The following PDE4D variants were observed in gnomAD, a reference collection of about 807,000 sequenced individuals.
The protein encoded by PDE4D is 3',5'-cyclic-AMP phosphodiesterase 4D.
A neutral mutation model predicts 87.4 loss-of-function variants in PDE4D; 24 were observed. The ratio of observed to expected loss-of-function variants is 0.27; its 90% CI spans 0.20 to 0.39. The LOEUF (loss-of-function observed/expected upper bound fraction) is 0.39. Among genes scored for constraint, PDE4D ranks in the 10% least tolerant of loss-of-function variants. PDE4D has a pLI of 1.00. For synonymous variants in PDE4D, 384 were observed against 383.2 expected, an observed-to-expected ratio of 1.00 and a Z score of -0.02; for missense variants, 714 against 1,041.0, an observed-to-expected ratio of 0.69 and a Z score of 4.32.
At position 59,380,929 on chromosome 5, in the gene PDE4D, A is replaced by G. The variant is rs1045077275; in HGVS notation, c.456-164961T>C. The stretch of plus-strand genomic sequence containing the variant: ...AACATATTATGCTCATTCATTACAG[A>G]TTGTCTACAGATAACTGCATTTGCT... On this transcript the variant is annotated intron_variant, in intron 1 of 14. Coordinates refer to ENST00000340635, the MANE Select transcript of PDE4D (RefSeq NM_001104631.2). Among the ~76,000 whole-genome samples the G allele has an allele frequency of 1.1e-4, 17 of 152,238 alleles. No individual in the cohort carries two copies. The East Asian group carries it at 2.1e-3, about 19-fold the overall frequency.
intron 1 of PDE4D, among the ~76,000 whole-genome samples, chr5:59,780,088 G>A (rs1581072104): frequency 6.6e-6 from 1 of 152,076 alleles, no homozygotes; most frequent in East Asian, 1.9e-4. Flanking sequence ...AGTGAGCCGG[G>A]CGCGGTGGCT....
chr5:59,185,293 T>G, intron 3 of PDE4D, 31 bp from the exon 4 acceptor site: 1 of 1,525,816 alleles, frequency 6.6e-7, no homozygotes, highest in Non-Finnish European at 9.0e-7. Flanking sequence ...TGAAACTTCT[T>G]GAGCTAAGGC....
intron 2 of PDE4D, among the ~76,000 whole-genome samples, chr5:60,028,714 C>T (rs1766917438): frequency 6.6e-6 from 1 of 152,178 alleles, no homozygotes; most frequent in South Asian, 2.1e-4. Context: ...TTCTGTGACT[C>T]AACATTCTAA....
At chr5:59,109,902 T>C (rs946795647) in intron 5 of PDE4D, among the ~76,000 whole-genome samples, 1 of 152,156 alleles carries the variant, frequency 6.6e-6, no homozygotes. Context: ...ATGAGGGTGG[T>C]TGGCAAGTAA....
intron 5 of PDE4D, among the ~76,000 whole-genome samples, chr5:59,046,320 T>G (rs1417372954): frequency 3.3e-5 from 5 of 150,752 alleles, no homozygotes; most frequent in Non-Finnish European, 7.4e-5. Flanking sequence ...GAATGTGTGT[T>G]TGTGCACATG....
chr5:59,383,440 G>C (rs1415829229), intron 1 of PDE4D, among the ~76,000 whole-genome samples: 1 of 151,976 alleles, frequency 6.6e-6, no homozygotes, highest in Non-Finnish European at 1.5e-5. Flanking sequence ...TTTCCCTATT[G>C]CAAATTCTAA....
At chr5:60,233,556 C>T (rs1312353499) in intron 1 of PDE4D, among the ~76,000 whole-genome samples, 2 of 151,174 alleles carry the variant, frequency 1.3e-5, no homozygotes, top group East Asian at 1.9e-4. Flanking sequence ...CTGTAACTAA[C>T]ATTTCCTTTT....
At chr5:59,840,284 A>T (rs892625362) in intron 1 of PDE4D, among the ~76,000 whole-genome samples, 1 of 146,780 alleles carries the variant, frequency 6.8e-6, no homozygotes, top group African/African-American at 2.6e-5. Context: ...TCACTCTCCT[A>T]TCTCCCTTTG....
intron 2 of PDE4D, among the ~76,000 whole-genome samples, chr5:60,152,435 C>T (rs775967707): frequency 2.0e-5 from 3 of 151,964 alleles, no homozygotes; most frequent in Admixed American, 6.6e-5. Context: ...GGGCAGATCA[C>T]GAGGTCAGGA....
In PDE4D at chr5:59,291,687, TA is replaced by T. The variant is rs1388993301; in HGVS notation, c.456-75720del. On this transcript the variant is annotated intron_variant, in intron 1 of 14. Coordinates refer to ENST00000340635, the MANE Select transcript of PDE4D (RefSeq NM_001104631.2). The stretch of plus-strand genomic sequence containing the variant: ...TGTTTGTATGTATTCCACAAATATA[TA>T]CACCTACTATGTATGCACCAAAATT... 2.0e-5 allele frequency among the ~76,000 whole-genome samples: 3 copies of T among 151,046 alleles called. 1 individual carries two copies.
At chr5:59,086,751 T>C (rs1162599257) in intron 5 of PDE4D, among the ~76,000 whole-genome samples, 2 of 152,164 alleles carry the variant, frequency 1.3e-5, no homozygotes, top group Non-Finnish European at 2.9e-5. Context: ...CAGAAACCCA[T>C]GTACAATTCT....
At chr5:59,231,172 G>C (rs1371854149) in intron 1 of PDE4D, among the ~76,000 whole-genome samples, 1 of 152,172 alleles carries the variant, frequency 6.6e-6, no homozygotes, top group Non-Finnish European at 1.5e-5. Context: ...ATTTTATAGA[G>C]TGAAGAAACA....
At chr5:59,015,463 G>T (rs923000957) in intron 6 of PDE4D, among the ~76,000 whole-genome samples, 1 of 152,156 alleles carries the variant, frequency 6.6e-6, no homozygotes, top group Non-Finnish European at 1.5e-5. Flanking sequence ...AGTGGGTGAA[G>T]TATATGAACA....
At chr5:59,242,899 T>C (rs920499526) in intron 1 of PDE4D, among the ~76,000 whole-genome samples, 1 of 152,174 alleles carries the variant, frequency 6.6e-6, no homozygotes, top group Non-Finnish European at 1.5e-5. Flanking sequence ...TCTCACAATA[T>C]GGCCTTAGAA....
At chr5:59,875,460 C>CAAAAAAAAAAAAAAA (rs3062667) in intron 1 of PDE4D, among the ~76,000 whole-genome samples, 35 of 39,702 alleles carry the variant, frequency 8.8e-4, no homozygotes, top group African/African-American at 3.4e-3. Flanking sequence ...ACCTCCGTCT[C>CAAAAAAAAAAAAAAA]AAAAAAAAAA....
intron 1 of PDE4D, among the ~76,000 whole-genome samples, chr5:60,442,808 T>C (rs936392426): frequency 6.6e-6 from 1 of 152,250 alleles, no homozygotes; most frequent in East Asian, 1.9e-4. Flanking sequence ...ATATTTCAAA[T>C]TAAACATTTA....
chr5:59,425,935 G>A (rs1223272558), intron 1 of PDE4D, among the ~76,000 whole-genome samples: 1 of 152,152 alleles, frequency 6.6e-6, no homozygotes, highest in Non-Finnish European at 1.5e-5. Context: ...CTAAATACCA[G>A]TATCTCAGAA....
chr5:60,260,587 A>G (rs903694716), intron 1 of PDE4D, among the ~76,000 whole-genome samples: 4 of 152,126 alleles, frequency 2.6e-5, no homozygotes, highest in African/African-American at 4.8e-5. Context: ...CCAACCAGTC[A>G]CAATTAAGGG....
At chr5:60,158,737 A>G (rs1430946541) in intron 2 of PDE4D, among the ~76,000 whole-genome samples, 6 of 151,856 alleles carry the variant, frequency 4.0e-5, no homozygotes, top group African/African-American at 1.2e-4. Flanking sequence ...TAATTTTTTT[A>G]AATATATATT....
Sources: allele counts gnomAD v4.1 joint callset (sites outside exome capture counted in the v4.1 genomes callset), GRCh38; gene constraint gnomAD v4.1.1; transcripts MANE v1.5; gene names NCBI Gene and HGNC (gene_info 2026-07-23, HGNC 2026-07-21).